The following RAB11FIP3 variants were observed in gnomAD, a reference collection of about 807,000 sequenced individuals.
RAB11FIP3 encodes the protein RAB11 family interacting protein 3.
A neutral mutation model predicts 77.8 loss-of-function variants in RAB11FIP3; 17 were observed. That is an observed-to-expected ratio of 0.22 (90% confidence interval 0.15 to 0.33). RAB11FIP3 has a LOEUF of 0.33. RAB11FIP3 is among the 10% of genes least tolerant of loss of function. The pLI is 1.00. For missense variants in RAB11FIP3, 1,005 were observed against 1,011.2 expected (o/e 0.99, Z 0.08); for synonymous variants, 437 against 448.2 (o/e 0.98, Z 0.31).
At chr16:475,865 A>ATTTTTTTTTTTTTTTTT (rs1567378948) in intron 3 of RAB11FIP3, among the ~76,000 whole-genome samples, 4 of 151,660 alleles carry the variant, frequency 2.6e-5, no homozygotes, top group African/African-American at 9.8e-5. Context: ...TATTTTTTAA[A>ATTTTTTTTTTTTTTTTT]TTGTTTTTTG....
At chr16:438,404 C>CTTTTTT (rs753481865) in intron 1 of RAB11FIP3, among the ~76,000 whole-genome samples, 2 of 118,852 alleles carry the variant, frequency 1.7e-5, no homozygotes, top group Non-Finnish European at 1.7e-5. Context: ...CTGCGTCCGG[C>CTTTTTT]TTTTTTTTTT....
At chr16:452,189 G>T (rs1278724503) in intron 1 of RAB11FIP3, among the ~76,000 whole-genome samples, 2 of 151,658 alleles carry the variant, frequency 1.3e-5, no homozygotes, top group African/African-American at 2.4e-5. Context: ...CAAAAAATCA[G>T]CTGGGCATAG....
rs1332774617 is a variant in RAB11FIP3, at chr16:426,113, C to T, written c.107C>T (p.Pro36Leu). 12 of 1,007,774 alleles carry T rather than the reference C, an allele frequency of 1.2e-5. No individual in the cohort carries two copies. The highest frequency in any genetic ancestry group is 1.4e-5 in the Non-Finnish European group (12 of 846,214). The allele number at this position is 1,007,774 out of a possible 1,614,324, so 62.4% of individuals were successfully genotyped here. ...GPGAAQLAPGPAELRLGAPVG... is the reference protein window; with the variant it reads ...GPGAAQLAPGLAELRLGAPVG... Reference sequence around the variant, plus strand: ...GGGGCGGCACAACTGGCTCCGGGCCCTGCGGAGCTACGCCTCGGAGCGCCC... The same window carrying T: ...GGGGCGGCACAACTGGCTCCGGGCCTTGCGGAGCTACGCCTCGGAGCGCCC... The change falls in exon 1 of 14, where the codon CCT (proline) becomes CTT (leucine). Residue 36 changes from proline (P) to leucine (L), a missense_variant. Physicochemically the swap from Pro to Leu is moderately conservative, Grantham distance 98. This residue lies in a region of RAB11FIP3 where 466 missense variants were observed against 408.3 expected (regional missense o/e 1.14). Transcript: ENST00000262305. This position sits in a 1 kb window ranked among gnomAD's most constrained non-coding sequence, Gnocchi z 5.0.
chr16:500,687 C>CAAAAAA (rs56771770), intron 6 of RAB11FIP3, among the ~76,000 whole-genome samples: 14 of 22,286 alleles, frequency 6.3e-4, no homozygotes, highest in African/African-American at 2.7e-3. Context: ...GACTCTGTCG[C>CAAAAAA]AAAAAAAAAA....
chr16:498,182 CTTTTA>C (rs1250852030), intron 6 of RAB11FIP3, among the ~76,000 whole-genome samples: 1 of 152,026 alleles, frequency 6.6e-6, no homozygotes, highest in African/African-American at 2.4e-5. Flanking sequence ...TTTCCATTTT[CTTTTA>C]TTTTGAGACA....
rs190300096 is a variant in RAB11FIP3, at chr16:495,293, A to G, written c.1266-1531A>G. 2.6e-3 allele frequency among the ~76,000 whole-genome samples: 391 copies of G among 152,308 alleles called. 2 individuals are homozygous for G. Among genetic ancestry groups the G allele is most frequent in the African/African-American group, 9.0e-3 (374 of 41,564 alleles). On this transcript the variant is annotated intron_variant, in intron 5 of 13. Coordinates refer to ENST00000262305, the MANE Select transcript of RAB11FIP3 (RefSeq NM_014700.4). Reference sequence around the variant, plus strand: ...AGGGCCGGGGCAGAGCCCCCCAGCTACAGTCACTGCCACCCAGGGCTGAGG... The same window carrying G: ...AGGGCCGGGGCAGAGCCCCCCAGCTGCAGTCACTGCCACCCAGGGCTGAGG...
At chr16:489,129 C>A (rs1772456144) in intron 5 of RAB11FIP3, 129 bp downstream of exon 5, 2 of 1,169,100 alleles carry the variant, frequency 1.7e-6, no homozygotes, top group Non-Finnish European at 2.3e-6. Context: ...ATTAAGTAAA[C>A]CATATTCAAA....
At chr16:498,932 C>T (rs1418368423) in intron 6 of RAB11FIP3, among the ~76,000 whole-genome samples, 4 of 150,844 alleles carry the variant, frequency 2.7e-5, no homozygotes, top group Non-Finnish European at 5.9e-5. Context: ...TTGAGCTGGC[C>T]GGGCGTAGTA....
intron 4 of RAB11FIP3, among the ~76,000 whole-genome samples, chr16:487,759 C>T (rs1567387215): frequency 6.6e-6 from 1 of 152,200 alleles, no homozygotes; most frequent in Non-Finnish European, 1.5e-5. Context: ...CCCCCGGCCG[C>T]TGTGTTTTCC....
chr16:520,316 G>T, intron 12 of RAB11FIP3, 39 bp downstream of exon 12: 1 of 1,551,304 alleles, frequency 6.4e-7, no homozygotes. Context: ...CACTCCTGCA[G>T]AAGCTTCCAC....
At chr16:490,378 G>GT (rs2030068378) in intron 5 of RAB11FIP3, among the ~76,000 whole-genome samples, 2 of 152,196 alleles carry the variant, frequency 1.3e-5, no homozygotes, top group South Asian at 4.1e-4. Flanking sequence ...CTTTTTGGGG[G>GT]TTTTTTGAGA....
intron 5 of RAB11FIP3, among the ~76,000 whole-genome samples, chr16:491,849 C>T (rs1165666868): frequency 6.6e-6 from 1 of 152,206 alleles, no homozygotes; most frequent in South Asian, 2.1e-4. Context: ...GTGGGCAGCT[C>T]TCCAGAAGGG....
intron 1 of RAB11FIP3, among the ~76,000 whole-genome samples, chr16:460,987 T>C (rs899329433): frequency 6.6e-6 from 1 of 150,382 alleles, no homozygotes. Flanking sequence ...TCTTTGCATG[T>C]GGTGAAAAAG....
chr16:448,892 G>A (rs1467860947), intron 1 of RAB11FIP3, among the ~76,000 whole-genome samples: 1 of 151,926 alleles, frequency 6.6e-6, no homozygotes, highest in Non-Finnish European at 1.5e-5. Flanking sequence ...TCCAGCCTGG[G>A]CAACAAGAGT....
rs2141682637 is a variant in RAB11FIP3, at chr16:471,192, C to T, written c.809-103C>T. ...CCCAGGGCCCCCAACTCCCACACAT[C>T]TGTCCCTGGGGGCCTCCTTCCCAGG... is the stretch of plus-strand genomic sequence containing the variant. On this transcript the variant is annotated intron_variant, in intron 2 of 13. Transcript: ENST00000262305. The surrounding 1 kb of genome is among the most constrained non-coding windows in gnomAD (Gnocchi z 4.4). 1 of 924,416 alleles carries T rather than the reference C, an allele frequency of 1.1e-6. No individual in the cohort carries two copies. Among genetic ancestry groups the T allele is most frequent in the East Asian group, 2.6e-5 (1 of 38,050 alleles). 57.3% of individuals were successfully genotyped at this position (924,416 alleles called of 1,614,324 possible).
At chr16:503,331 T>G (rs961028186) in intron 7 of RAB11FIP3, among the ~76,000 whole-genome samples, 1 of 152,178 alleles carries the variant, frequency 6.6e-6, no homozygotes, top group Admixed American at 6.5e-5. Flanking sequence ...AAGGGCCAGC[T>G]GGGAGGAGTG....
chr16:490,609 C>G (rs1333410723), intron 5 of RAB11FIP3, among the ~76,000 whole-genome samples: 1 of 152,206 alleles, frequency 6.6e-6, no homozygotes, highest in Non-Finnish European at 1.5e-5. Context: ...GAAGCAGGAG[C>G]CACCATGCCC....
intron 2 of RAB11FIP3, among the ~76,000 whole-genome samples, chr16:470,436 A>G (rs998791285): frequency 5.3e-5 from 8 of 152,246 alleles, no homozygotes; most frequent in African/African-American, 1.9e-4. Flanking sequence ...CCTGGCCCCA[A>G]CCTTCACTTT....
chr16:468,094 GTCAGGGAGGAGGTGCTGGGGCC>G (rs1567374145), intron 2 of RAB11FIP3, among the ~76,000 whole-genome samples: 17 of 43,104 alleles, frequency 3.9e-4, no homozygotes, highest in Non-Finnish European at 5.7e-4. Flanking sequence ...GTGCAGGGGC[GTCAGGGAGGAGGTGCTGGGGCC>G]TCAGGGAGGA....
Sources: allele counts gnomAD v4.1 joint callset (sites outside exome capture counted in the v4.1 genomes callset), GRCh38; gene constraint gnomAD v4.1.1; regional missense constraint gnomAD v4.1.1; non-coding constraint Gnocchi (gnomAD v3.1); transcripts MANE v1.5; gene names NCBI Gene and HGNC (gene_info 2026-07-23, HGNC 2026-07-21).